Variants in CNGB3 observed in about 807,000 individuals in gnomAD.
The protein encoded by CNGB3 is cyclic nucleotide gated channel subunit beta 3, also known as cyclic nucleotide-gated channel beta-3.
In CNGB3, 86 loss-of-function variants were observed where a neutral mutation model predicts 92.8. The observed-to-expected ratio is 0.93, with a 90% CI of 0.78 to 1.11. The LOEUF (loss-of-function observed/expected upper bound fraction) is 1.11, where lower values mean the gene tolerates loss of function less well. Among genes scored for constraint, CNGB3 ranks in the 50% least tolerant of loss-of-function variants. The pLI is 0.00. For synonymous variants in CNGB3, 333 were observed against 332.7 expected, an observed-to-expected ratio of 1.00 and a Z score of -0.01; for missense variants, 1,026 against 956.8, an observed-to-expected ratio of 1.07 and a Z score of -0.95.
At chr8:86,660,538 C>T in intron 6 of CNGB3, 1 of 533,930 alleles carries the variant, frequency 1.9e-6, no homozygotes, top group Non-Finnish European at 3.8e-6. Flanking sequence ...TCTCATGCAT[C>T]TGTACAATGG....
chr8:86,609,916 C>T (rs1386400269), intron 14 of CNGB3, among the ~76,000 whole-genome samples: 1 of 152,122 alleles, frequency 6.6e-6, no homozygotes, highest in Non-Finnish European at 1.5e-5. Context: ...ATAACCTCCC[C>T]ATCTCCCAAC....
At chr8:86,631,782 A>C (rs1822966535) in intron 11 of CNGB3, among the ~76,000 whole-genome samples, 1 of 152,132 alleles carries the variant, frequency 6.6e-6, no homozygotes, top group Non-Finnish European at 1.5e-5. Flanking sequence ...TATTTCATTA[A>C]CATGTTAAGG....
chr8:86,667,979 G>A, intron 5 of CNGB3, 40 bp downstream of exon 5: 1 of 1,611,126 alleles, frequency 6.2e-7, no homozygotes, highest in Non-Finnish European at 8.5e-7. Context: ...CTTGGTGATA[G>A]CCAGCCCTCC....
intron 13 of CNGB3, among the ~76,000 whole-genome samples, chr8:86,624,065 T>A (rs1333745767): frequency 1.3e-5 from 2 of 152,202 alleles, no homozygotes; most frequent in Non-Finnish European, 1.5e-5. Flanking sequence ...CAAACTGGTC[T>A]TGAATAGGTC....
rs774662945 is a variant in CNGB3 at position 86,667,146 on chromosome 8, C to T, written c.644-13G>A. 1.2e-6 allele frequency: 2 copies of T among 1,610,110 alleles called. No homozygotes were observed. The highest frequency in any genetic ancestry group is 4.5e-5 in the East Asian group (2 of 44,852). On this transcript the variant is annotated splice_polypyrimidine_tract_variant and intron_variant, in intron 5 of 17. Coordinates refer to ENST00000320005, the MANE Select transcript of CNGB3 (RefSeq NM_019098.5). ...AGATAGAGTCGATCTGGAAAAACAG[C>T]AAGTGGTGAAATCCAAATGACATAG...
chr8:86,657,435 T>C, intron 6 of CNGB3: 1 of 509,292 alleles, frequency 2.0e-6, no homozygotes, highest in Non-Finnish European at 4.0e-6. Flanking sequence ...AAAAATGGAA[T>C]GCAGGGGTTG....
intron 3 of CNGB3, among the ~76,000 whole-genome samples, chr8:86,713,864 T>C (rs1824795984): frequency 6.6e-6 from 1 of 152,198 alleles, no homozygotes; most frequent in Non-Finnish European, 1.5e-5. Flanking sequence ...ATATACTTCA[T>C]TGTTTAGAGC....
intron 12 of CNGB3, among the ~76,000 whole-genome samples, chr8:86,628,291 G>A (rs1056362146): frequency 1.3e-5 from 2 of 152,096 alleles, no homozygotes; most frequent in Non-Finnish European, 2.9e-5. Context: ...ATGTTGGCCA[G>A]GCTGGTCTTG....
At chr8:86,614,819 A>C (rs958095361) in intron 13 of CNGB3, among the ~76,000 whole-genome samples, 3 of 152,008 alleles carry the variant, frequency 2.0e-5, no homozygotes, top group African/African-American at 7.3e-5. Flanking sequence ...CACACTGTGA[A>C]CAGCCACCAC....
intron 10 of CNGB3, among the ~76,000 whole-genome samples, chr8:86,633,423 T>C (rs1823001511): frequency 6.6e-6 from 1 of 152,092 alleles, no homozygotes; most frequent in Non-Finnish European, 1.5e-5. Flanking sequence ...CAGTAGAGGG[T>C]GGCTGGGTAT....
intron 6 of CNGB3, chr8:86,660,878 AG>A (rs1823627925): frequency 5.3e-6 from 2 of 380,764 alleles, no homozygotes; most frequent in East Asian, 7.2e-5. Context: ...AGTTAGCTCA[AG>A]GCAATAACAT....
intron 15 of CNGB3, among the ~76,000 whole-genome samples, chr8:86,589,089 T>G (rs1452586371): frequency 1.3e-5 from 2 of 151,984 alleles, no homozygotes; most frequent in East Asian, 3.9e-4. Context: ...GTCAAGGAAT[T>G]TATCCATTTC....
intron 6 of CNGB3, chr8:86,662,030 C>CTCG: frequency 2.9e-6 from 1 of 350,334 alleles, no homozygotes; most frequent in South Asian, 5.5e-5. Context: ...GGAGACTGGC[C>CTCG]CAGGTGCAGG....
At chr8:86,577,208 C>T (rs1274481764) in intron 17 of CNGB3, among the ~76,000 whole-genome samples, 2 of 152,098 alleles carry the variant, frequency 1.3e-5, no homozygotes, top group Non-Finnish European at 2.9e-5. Context: ...TTAGTGTAGG[C>T]CTGTAAGTCT....
intron 1 of CNGB3, among the ~76,000 whole-genome samples, chr8:86,740,170 G>A (rs754943292): frequency 1.2e-4 from 18 of 152,122 alleles, no homozygotes; most frequent in Non-Finnish European, 2.1e-4. Context: ...TTGAAATGCC[G>A]TTATGTCCCA....
intron 3 of CNGB3, among the ~76,000 whole-genome samples, chr8:86,716,110 C>T (rs192347156): frequency 2.4e-4 from 36 of 152,086 alleles, no homozygotes; most frequent in Non-Finnish European, 4.0e-4. Context: ...GCAATAGAAT[C>T]GAACAAGCAG....
chr8:86,670,576 T>C (rs1823837186), intron 4 of CNGB3, among the ~76,000 whole-genome samples: 2 of 152,068 alleles, frequency 1.3e-5, no homozygotes, highest in Admixed American at 6.6e-5. Flanking sequence ...TTATTCTTTT[T>C]CTTTTTTTTA....
chr8:86,729,112 T>C lies in CNGB3; in HGVS notation c.212-2455A>G, dbSNP rs547301980. On this transcript the variant is annotated intron_variant, in intron 2 of 17. Transcript: ENST00000320005. The stretch of plus-strand genomic sequence containing the variant: ...TTTTTGTCGAGATGGGGTTTTGCCA[T>C]GTTGTGCAGGCTGGTTTCAAACTCC... 1.6e-4 allele frequency among the ~76,000 whole-genome samples: 25 copies of C among 152,180 alleles called. No individual in the cohort carries two copies. In the South Asian group the frequency reaches 5.0e-3, roughly 30 times the overall value.
At chr8:86,635,907 G>A (rs1381360493) in intron 10 of CNGB3, among the ~76,000 whole-genome samples, 1 of 132,850 alleles carries the variant, frequency 7.5e-6, no homozygotes, top group African/African-American at 2.8e-5. Context: ...AGTAAGGCAG[G>A]ATTTGACATA....
Sources: gnomAD v4.1 joint callset for allele counts (sites outside exome capture counted in the v4.1 genomes callset) on GRCh38, gnomAD v4.1.1 for gene constraint, MANE v1.5 for transcripts, NCBI Gene and HGNC (gene_info 2026-07-23, HGNC 2026-07-21) for gene names.